TEC: variants seen among roughly 807,000 people sequenced by gnomAD.
TEC encodes the protein tec protein tyrosine kinase.
In TEC, 72 loss-of-function variants were observed where a neutral mutation model predicts 93.0. The ratio of observed to expected loss-of-function variants is 0.77; its 90% CI spans 0.64 to 0.94. The LOEUF is 0.94. TEC is among the 40% of genes least tolerant of loss of function. The pLI is 0.00. For missense variants in TEC, 630 were observed against 757.9 expected (o/e 0.83, Z 1.98); for synonymous variants, 249 against 247.7 (o/e 1.01, Z -0.05).
chr4:48,223,017 G>A (rs1416050044), intron 2 of TEC, among the ~76,000 whole-genome samples: 3 of 152,110 alleles, frequency 2.0e-5, no homozygotes, highest in Admixed American at 2.0e-4. Flanking sequence ...ACAGGAACTG[G>A]TAACAGATCA....
chr4:48,173,804 C>T (rs893469893), intron 3 of TEC, among the ~76,000 whole-genome samples: 1 of 152,130 alleles, frequency 6.6e-6, no homozygotes, highest in Non-Finnish European at 1.5e-5. Context: ...CATGCCAGCT[C>T]CTGGGGATCT....
chr4:48,243,183 T>C (rs1353628230), intron 1 of TEC, among the ~76,000 whole-genome samples: 1 of 152,196 alleles, frequency 6.6e-6, no homozygotes, highest in African/African-American at 2.4e-5. Flanking sequence ...GAAGATCTTT[T>C]TTTTCCTGAT....
intron 2 of TEC, among the ~76,000 whole-genome samples, chr4:48,176,874 A>T (rs1461248205): frequency 1.3e-5 from 2 of 152,198 alleles, no homozygotes; most frequent in African/African-American, 4.8e-5. Context: ...CCATTTACTC[A>T]ATCACACATG....
At position 48,138,929 on chromosome 4, in the gene TEC, G is replaced by A. The variant is rs781469488; in HGVS notation, c.1629C>T (p.Ser543=). The stretch of plus-strand genomic sequence containing the variant: ...CAAATGACCAGACATCTGATTTGCT[G>A]CTGAAGCGGCTGTAATTAAACACTT... The part of the protein sequence containing the change: ...PPEVFNYSRF[S]SKSDVWSFGV... Residue 543 remains serine, a synonymous_variant, in exon 16 of 18, where the codon AGC becomes AGT. Coordinates refer to ENST00000381501, the MANE Select transcript of TEC (RefSeq NM_003215.3). The A allele has an allele frequency of 8.7e-6, 14 of 1,614,078 alleles. No homozygotes were observed. Among genetic ancestry groups the A allele is most frequent in the Non-Finnish European group, 1.2e-5 (14 of 1,180,034 alleles).
At chr4:48,212,110 A>AAAAATATAT in intron 2 of TEC, among the ~76,000 whole-genome samples, 1,264 of 122,086 alleles carry the variant, frequency 0.01, 13 homozygotes, top group Non-Finnish European at 0.016. Context: ...AAAAAAAAAA[A>AAAAATATAT]ATATATATAT....
At chr4:48,255,393 G>C (rs557047209) in intron 1 of TEC, among the ~76,000 whole-genome samples, 1 of 152,248 alleles carries the variant, frequency 6.6e-6, no homozygotes, top group South Asian at 2.1e-4. Context: ...CCAATCCCTT[G>C]GTCAAGTGGA....
intron 1 of TEC, among the ~76,000 whole-genome samples, chr4:48,246,628 A>C (rs1358219022): frequency 6.6e-6 from 1 of 152,234 alleles, no homozygotes; most frequent in African/African-American, 2.4e-5. Flanking sequence ...ACTGTGGTCA[A>C]TTATTTTTGA....
At chr4:48,225,052 A>G (rs1023534891) in intron 2 of TEC, among the ~76,000 whole-genome samples, 8 of 152,212 alleles carry the variant, frequency 5.3e-5, no homozygotes, top group African/African-American at 1.9e-4. Flanking sequence ...GGGCTATTTT[A>G]TTTCTGAATG....
At chr4:48,204,682 A>C (rs1324353797) in intron 2 of TEC, among the ~76,000 whole-genome samples, 2 of 152,168 alleles carry the variant, frequency 1.3e-5, no homozygotes, top group Non-Finnish European at 2.9e-5. Context: ...TCACATCATC[A>C]AGCATTAGGT....
At chr4:48,189,969 C>A (rs1228166433) in intron 2 of TEC, among the ~76,000 whole-genome samples, 1 of 152,038 alleles carries the variant, frequency 6.6e-6, no homozygotes, top group Non-Finnish European at 1.5e-5. Context: ...GACAACAGTC[C>A]CTGGCCATAT....
At chr4:48,224,266 T>C (rs1373981339) in intron 2 of TEC, among the ~76,000 whole-genome samples, 3 of 152,234 alleles carry the variant, frequency 2.0e-5, no homozygotes, top group African/African-American at 7.2e-5. Flanking sequence ...AGTCCAATTC[T>C]AAAAATTCCT....
intron 1 of TEC, among the ~76,000 whole-genome samples, chr4:48,253,975 G>A (rs1297281554): frequency 6.6e-6 from 1 of 152,056 alleles, no homozygotes; most frequent in Non-Finnish European, 1.5e-5. Flanking sequence ...ATATCCCCAT[G>A]TATCTGCTCG....
intron 2 of TEC, among the ~76,000 whole-genome samples, chr4:48,192,174 G>A (rs1022121235): frequency 6.6e-6 from 1 of 152,200 alleles, no homozygotes. Context: ...CACAGTAATA[G>A]AAATGCAATA....
At chr4:48,196,863 T>C (rs1190402741) in intron 2 of TEC, among the ~76,000 whole-genome samples, 2 of 152,236 alleles carry the variant, frequency 1.3e-5, no homozygotes, top group Non-Finnish European at 2.9e-5. Context: ...TGATGCTTCA[T>C]GTGACTCCAC....
chr4:48,145,874 C>T (rs1292172740), intron 12 of TEC, among the ~76,000 whole-genome samples: 2 of 152,126 alleles, frequency 1.3e-5, no homozygotes, highest in Non-Finnish European at 2.9e-5. Context: ...ATACTTCCTT[C>T]TTTACCACTC....
chr4:48,263,782 A>G (rs1334483926), intron 1 of TEC, among the ~76,000 whole-genome samples: 1 of 152,156 alleles, frequency 6.6e-6, no homozygotes, highest in African/African-American at 2.4e-5. Flanking sequence ...CCAACCTAAG[A>G]TATAGGTTTT....
chr4:48,229,761 C>T (rs1225747670), intron 1 of TEC, among the ~76,000 whole-genome samples: 1 of 148,254 alleles, frequency 6.7e-6, no homozygotes, highest in African/African-American at 2.5e-5. Flanking sequence ...GGTGACAGAG[C>T]AAGACTTCGT....
chr4:48,195,567 A>T (rs1270792421), intron 2 of TEC, among the ~76,000 whole-genome samples: 1 of 152,328 alleles, frequency 6.6e-6, no homozygotes, highest in South Asian at 2.1e-4. Context: ...GCATTCATCA[A>T]TCTTAAAGTG....
chr4:48,185,213 T>C (rs1043728673), intron 2 of TEC, among the ~76,000 whole-genome samples: 3 of 152,214 alleles, frequency 2.0e-5, no homozygotes, highest in Admixed American at 6.5e-5. Context: ...AGAAAATGAA[T>C]GACATATTCT....
Sources: allele counts gnomAD v4.1 joint callset (sites outside exome capture counted in the v4.1 genomes callset), GRCh38; gene constraint gnomAD v4.1.1; transcripts MANE v1.5; gene names NCBI Gene and HGNC (gene_info 2026-07-23, HGNC 2026-07-21).